Variants in UGT1A5 observed in about 807,000 individuals in gnomAD.
The protein encoded by UGT1A5 is UDP glucuronosyltransferase family 1 member A5.
A neutral mutation model predicts 40.3 loss-of-function variants in UGT1A5; 29 were observed. The ratio of observed to expected loss-of-function variants is 0.72; its 90% CI spans 0.54 to 0.98. The LOEUF (loss-of-function observed/expected upper bound fraction) is 0.98, where lower values mean the gene tolerates loss of function less well. Ranked by LOEUF, UGT1A5 falls within the 50% of genes least tolerant of loss-of-function variation. UGT1A5 has a pLI of 0.00. For synonymous variants in UGT1A5, 257 were observed against 262.5 expected, an observed-to-expected ratio of 0.98 and a Z score of 0.20; for missense variants, 678 against 677.9, an observed-to-expected ratio of 1.00 and a Z score of 0.00.
chr2:233,724,108 C>T (rs1455095780), intron 1 of UGT1A5, among the ~76,000 whole-genome samples: 64 of 55,750 alleles, frequency 1.1e-3, no homozygotes, highest in South Asian at 2.6e-3. Context: ...TAGGGGCGGC[C>T]GGGCAGAGGC....
intron 1 of UGT1A5, among the ~76,000 whole-genome samples, chr2:233,733,415 C>T (rs778280209): frequency 6.6e-5 from 10 of 152,224 alleles, no homozygotes; most frequent in East Asian, 1.9e-4. Context: ...TTCCAGTTTT[C>T]GCCTACTCAG....
At chr2:233,716,548 A>G (rs17864696) in intron 1 of UGT1A5, among the ~76,000 whole-genome samples, 1 of 152,142 alleles carries the variant, frequency 6.6e-6, no homozygotes, top group African/African-American at 2.4e-5. Context: ...CTCTCCTTAT[A>G]TTCCTTTTTT....
intron 1 of UGT1A5, chr2:233,747,808 C>G (rs1432471540): frequency 1.2e-6 from 2 of 1,613,386 alleles, no homozygotes; most frequent in African/African-American, 2.7e-5. Flanking sequence ...AAGTTACTAA[C>G]GACCAATTCA....
At chr2:233,768,582 CTTTTTTTTTT>C (rs139595073) in intron 4 of UGT1A5, 143 bp downstream of exon 4, 137,204 of 1,033,644 alleles carry the variant, frequency 0.13, 3,227 homozygotes, top group African/African-American at 0.2. Flanking sequence ...TTTATTTCTT[CTTTTTTTTTT>C]TTTTTTTTTT....
chr2:233,713,900 A>G, intron 1 of UGT1A5, 42 bp downstream of exon 1: 1 of 1,613,008 alleles, frequency 6.2e-7, no homozygotes, highest in South Asian at 1.1e-5. Flanking sequence ...TCCAGGCAAA[A>G]CACTTTTTAA....
At chr2:233,761,816 G>C (rs374860940) in intron 1 of UGT1A5, among the ~76,000 whole-genome samples, 3 of 152,178 alleles carry the variant, frequency 2.0e-5, no homozygotes, top group Admixed American at 6.5e-5. Flanking sequence ...AACAGGAGAG[G>C]CTCCTTCAGA....
intron 1 of UGT1A5, among the ~76,000 whole-genome samples, chr2:233,717,363 T>C (rs2076566761): frequency 6.6e-6 from 1 of 152,216 alleles, no homozygotes; most frequent in Admixed American, 6.5e-5. Context: ...TGGGGAGTTC[T>C]CAAGCCCTTA....
chr2:233,713,409 C>T lies in UGT1A5; in HGVS notation c.418C>T (p.His140Tyr), dbSNP rs904986481. The change falls in exon 1 of 5, where the codon CAC becomes TAC. Residue 140 changes from histidine (H) to tyrosine (Y), a missense_variant. Physicochemically the swap from His to Tyr is moderately conservative, Grantham distance 83. Coordinates refer to ENST00000373414, the MANE Select transcript of UGT1A5 (RefSeq NM_019078.2). The part of the protein sequence containing the change: ...ELLHNEALIR[H>Y]LHATSFDVVL... ...ACTGCATAATGAGGCCCTGATCAGG[C>T]ACCTGCATGCTACTTCCTTTGATGT... The T allele has an allele frequency of 3.1e-6, 5 of 1,614,030 alleles. No individual in the cohort carries two copies. The highest frequency in any genetic ancestry group is 4.2e-6 in the Non-Finnish European group (5 of 1,180,034).
chr2:233,748,151 T>C, intron 1 of UGT1A5: 1 of 1,604,824 alleles, frequency 6.2e-7, no homozygotes, highest in East Asian at 2.2e-5. Flanking sequence ...TTACTTACAA[T>C]TGCTTCCATA....
chr2:233,751,406 G>T (rs1694719923), intron 1 of UGT1A5, among the ~76,000 whole-genome samples: 1 of 152,120 alleles, frequency 6.6e-6, no homozygotes, highest in South Asian at 2.1e-4. Context: ...TTTGGACTAT[G>T]GACTTTTGAG....
chr2:233,720,798 C>T (rs948904174), intron 1 of UGT1A5, among the ~76,000 whole-genome samples: 26 of 151,502 alleles, frequency 1.7e-4, no homozygotes, highest in African/African-American at 4.1e-4. Flanking sequence ...CTTCACCTCC[C>T]GGGTTTAAGA....
chr2:233,759,924 C>T (rs887829), intron 1 of UGT1A5, among the ~76,000 whole-genome samples: 54,890 of 151,920 alleles, frequency 0.36, 10,314 homozygotes, highest in African/African-American at 0.45. Context: ...TGTTTAATTT[C>T]TGGAAAAGAA....
At chr2:233,758,381 C>CTTATGTGT (rs1159437642) in intron 1 of UGT1A5, among the ~76,000 whole-genome samples, 1 of 152,202 alleles carries the variant, frequency 6.6e-6, no homozygotes, top group East Asian at 1.9e-4. Context: ...ACAGTGGTGA[C>CTTATGTGT]TTATGTGTTT....
In UGT1A5 at chr2:233,760,429, C is replaced by G. The variant is rs747942373; in HGVS notation, c.868-6605C>G. 87 of 1,614,090 alleles carry G rather than the reference C, an allele frequency of 5.4e-5. No homozygotes were observed. The highest frequency in any genetic ancestry group is 6.6e-5 in the Non-Finnish European group (78 of 1,180,040). On this transcript the variant is annotated intron_variant, in intron 1 of 4. Coordinates refer to ENST00000373414, the MANE Select transcript of UGT1A5 (RefSeq NM_019078.2). The stretch of plus-strand genomic sequence containing the variant: ...CTGGCTGAGCATGCTTGGGGCCATC[C>G]AGCAGCTGCAGCAGAGGGGACATGA...
chr2:233,740,981 G>T (rs1424238424), intron 1 of UGT1A5: 1 of 151,674 alleles, frequency 6.6e-6, no homozygotes, highest in African/African-American at 2.4e-5. Flanking sequence ...TAGCTACTGG[G>T]AATGCTGAGG....
At chr2:233,724,300 C>T (rs1204740758) in intron 1 of UGT1A5, among the ~76,000 whole-genome samples, 3 of 143,888 alleles carry the variant, frequency 2.1e-5, no homozygotes, top group African/African-American at 5.1e-5. Flanking sequence ...GACCCCCCCA[C>T]CTCCCTCCCG....
intron 1 of UGT1A5, among the ~76,000 whole-genome samples, chr2:233,733,920 G>C (rs2078453813): frequency 1.3e-5 from 2 of 151,954 alleles, no homozygotes; most frequent in Non-Finnish European, 1.5e-5. Context: ...GAATTCGGCT[G>C]TGAGGAAGGG....
chr2:233,713,759 G>C lies in UGT1A5; in HGVS notation c.768G>C (p.Leu256=), dbSNP rs752103750. The change falls in exon 1 of 5, where the codon CTG becomes CTC. Residue 256 remains leucine, a synonymous_variant. Coordinates refer to ENST00000373414, the MANE Select transcript of UGT1A5 (RefSeq NM_019078.2). ...VDLVSHASVW[L]FRGDFVMDYP... Reference sequence around the variant, plus strand: ...TTGTCAGCCATGCATCTGTGTGGCTGTTCCGAGGGGACTTTGTGATGGATT... The same window carrying C: ...TTGTCAGCCATGCATCTGTGTGGCTCTTCCGAGGGGACTTTGTGATGGATT... 10 of 1,613,990 alleles carry C rather than the reference G, an allele frequency of 6.2e-6. No homozygotes were observed. The highest frequency in any genetic ancestry group is 3.4e-6 in the Non-Finnish European group (4 of 1,179,936).
At chr2:233,729,870 T>A in intron 1 of UGT1A5, 1 of 1,613,848 alleles carries the variant, frequency 6.2e-7, no homozygotes, top group South Asian at 1.1e-5. Context: ...TGGTGGATAT[T>A]CTCAGTCATG....
Sources: allele counts gnomAD v4.1 joint callset (sites outside exome capture counted in the v4.1 genomes callset), GRCh38; gene constraint gnomAD v4.1.1; transcripts MANE v1.5; gene names NCBI Gene and HGNC (gene_info 2026-07-23, HGNC 2026-07-21).